The following KAT6B variants were observed in gnomAD, a reference collection of about 807,000 sequenced individuals.
KAT6B encodes lysine acetyltransferase 6B.
A neutral mutation model predicts 187.5 loss-of-function variants in KAT6B; 10 were observed. The ratio of observed to expected loss-of-function variants is 0.05; its 90% CI spans 0.03 to 0.09. KAT6B has a LOEUF of 0.09. Among genes scored for constraint, KAT6B ranks in the 10% least tolerant of loss-of-function variants. KAT6B has a pLI of 1.00. For synonymous variants in KAT6B, 861 were observed against 926.8 expected, an observed-to-expected ratio of 0.93 and a Z score of 1.29; for missense variants, 1,952 against 2,558.9, an observed-to-expected ratio of 0.76 and a Z score of 5.12.
chr10:74,934,298 A>G (rs1294394420), intron 3 of KAT6B, among the ~76,000 whole-genome samples: 1 of 151,980 alleles, frequency 6.6e-6, no homozygotes, highest in East Asian at 1.9e-4. Context: ...TGCCTTGGCA[A>G]TTTTTTTCTG....
At chr10:74,903,290 C>T (rs1171711955) in intron 3 of KAT6B, among the ~76,000 whole-genome samples, 2 of 152,154 alleles carry the variant, frequency 1.3e-5, no homozygotes, top group African/African-American at 4.8e-5. Flanking sequence ...GGAACCTATG[C>T]ATGTTTGAGA....
chr10:74,843,510 A>G (rs775776523), intron 3 of KAT6B, 32 bp downstream of exon 3: 30 of 1,610,772 alleles, frequency 1.9e-5, no homozygotes, highest in Non-Finnish European at 2.5e-5. Flanking sequence ...GTGCATTCTC[A>G]CTACTGTCCT....
intron 13 of KAT6B, among the ~76,000 whole-genome samples, chr10:75,006,717 C>T (rs953277533): frequency 3.3e-5 from 5 of 151,956 alleles, no homozygotes; most frequent in South Asian, 2.1e-4. Flanking sequence ...GATAGGATTA[C>T]AGGCATGAGC....
At chr10:75,020,522 C>G (rs1351232388) in intron 13 of KAT6B, 60 bp from the exon 14 acceptor site, 1 of 1,160,552 alleles carries the variant, frequency 8.6e-7, no homozygotes, top group African/African-American at 1.5e-5. Flanking sequence ...TCTAGTGGCT[C>G]CTGTTCTAAG....
At chr10:74,916,972 G>A (rs994578528) in intron 3 of KAT6B, among the ~76,000 whole-genome samples, 1 of 152,164 alleles carries the variant, frequency 6.6e-6, no homozygotes, top group Admixed American at 6.5e-5. Flanking sequence ...AAGTGTGGTG[G>A]TGCACACCTG....
intron 3 of KAT6B, among the ~76,000 whole-genome samples, chr10:74,888,033 G>C (rs1299858395): frequency 6.6e-6 from 1 of 152,174 alleles, no homozygotes; most frequent in African/African-American, 2.4e-5. Flanking sequence ...GTGCCCACAG[G>C]CTGGCAGAGC....
chr10:74,897,896 C>T (rs527592309), intron 3 of KAT6B, among the ~76,000 whole-genome samples: 24 of 152,128 alleles, frequency 1.6e-4, no homozygotes, highest in African/African-American at 4.3e-4. Context: ...AACTTGAAAA[C>T]GCCATAGGCA....
chr10:74,882,699 G>A (rs1844940325), intron 3 of KAT6B, among the ~76,000 whole-genome samples: 1 of 152,180 alleles, frequency 6.6e-6, no homozygotes, highest in African/African-American at 2.4e-5. Context: ...TTGTGAGATT[G>A]CTTACCTTAA....
chr10:74,839,906 T>TA (rs1378075775), intron 2 of KAT6B, among the ~76,000 whole-genome samples: 1 of 152,230 alleles, frequency 6.6e-6, no homozygotes, highest in Non-Finnish European at 1.5e-5. Context: ...AGGGTTTATA[T>TA]AATGAAACAA....
At chr10:74,971,515 G>A (rs1181751370) in intron 6 of KAT6B, among the ~76,000 whole-genome samples, 1 of 152,012 alleles carries the variant, frequency 6.6e-6, no homozygotes, top group African/African-American at 2.4e-5. Context: ...AAATATGTCT[G>A]ATTATTTCTT....
At chr10:74,898,307 A>G (rs1450028619) in intron 3 of KAT6B, among the ~76,000 whole-genome samples, 1 of 152,212 alleles carries the variant, frequency 6.6e-6, no homozygotes, top group Admixed American at 6.5e-5. Context: ...ACTTTGCACA[A>G]GTTAGGAGTA....
At chr10:74,970,928 G>C (rs992602380) in intron 6 of KAT6B, among the ~76,000 whole-genome samples, 2 of 152,008 alleles carry the variant, frequency 1.3e-5, no homozygotes, top group African/African-American at 4.8e-5. Context: ...TAAGTATGTA[G>C]AACTCCATAG....
rs1846158973 is a variant in KAT6B at position 75,029,605 on chromosome 10, C to G, written c.4781C>G (p.Ser1594Trp). The change falls in exon 18 of 18, where the codon TCG becomes TGG. Residue 1594 changes from serine to tryptophan, a missense_variant. Coordinates refer to ENST00000287239, the MANE Select transcript of KAT6B (RefSeq NM_012330.4). This position sits in a 1 kb window ranked among gnomAD's most constrained non-coding sequence, Gnocchi z 6.2. ...ACCACGCTCGACGATTGCCAACAGT[C>G]GGACCACAGTAGCCCAGTTTCATCC... ...IATTLDDCQQ[S>W]DHSSPVSSVH... The G allele has an allele frequency of 6.2e-7, 1 of 1,614,164 alleles. No homozygotes were observed. Among genetic ancestry groups the G allele is most frequent in the Non-Finnish European group, 8.5e-7 (1 of 1,180,032 alleles).
At chr10:74,991,368 C>T (rs1486334306) in intron 13 of KAT6B, among the ~76,000 whole-genome samples, 1 of 152,214 alleles carries the variant, frequency 6.6e-6, no homozygotes, top group Non-Finnish European at 1.5e-5. Flanking sequence ...AGTTCAAGCT[C>T]TAAATTCAGT....
chr10:74,901,141 A>G (rs988488411), intron 3 of KAT6B, among the ~76,000 whole-genome samples: 1 of 152,318 alleles, frequency 6.6e-6, no homozygotes, highest in Admixed American at 6.5e-5. Context: ...TCCATTTTAT[A>G]AAATAATTAC....
At chr10:74,913,825 G>A (rs767350416) in intron 3 of KAT6B, among the ~76,000 whole-genome samples, 11 of 152,174 alleles carry the variant, frequency 7.2e-5, no homozygotes, top group Non-Finnish European at 1.3e-4. Flanking sequence ...GCCCAGTGCC[G>A]GGGTCTCATG....
intron 3 of KAT6B, among the ~76,000 whole-genome samples, chr10:74,876,209 C>G (rs1844406339): frequency 6.6e-6 from 1 of 152,134 alleles, no homozygotes; most frequent in East Asian, 1.9e-4. Context: ...CCCCCTCCTT[C>G]TTCCCCCACT....
intron 3 of KAT6B, among the ~76,000 whole-genome samples, chr10:74,897,641 A>G (rs1846084015): frequency 6.6e-6 from 1 of 152,264 alleles, no homozygotes; most frequent in African/African-American, 2.4e-5. Flanking sequence ...AGATGGGGCC[A>G]GCATCTATTC....
intron 13 of KAT6B, among the ~76,000 whole-genome samples, chr10:74,990,949 A>G (rs1303266041): frequency 1.3e-5 from 2 of 152,054 alleles, no homozygotes; most frequent in South Asian, 2.1e-4. Context: ...GCATGGTCCT[A>G]TACCTCTATT....
Sources: allele counts gnomAD v4.1 joint callset (sites outside exome capture counted in the v4.1 genomes callset), GRCh38; gene constraint gnomAD v4.1.1; non-coding constraint Gnocchi (gnomAD v3.1); transcripts MANE v1.5; gene names NCBI Gene and HGNC (gene_info 2026-07-23, HGNC 2026-07-21).